The following PDE4D variants were observed in gnomAD, a reference collection of about 807,000 sequenced individuals.
PDE4D encodes the protein phosphodiesterase 4D, also known as 3',5'-cyclic-AMP phosphodiesterase 4D.
Under a neutral mutation model 87.4 loss-of-function variants are expected in PDE4D, and 24 were observed. The observed-to-expected ratio is 0.27, with a 90% CI of 0.20 to 0.39. PDE4D has a LOEUF of 0.39. PDE4D is among the 10% of genes least tolerant of loss of function. PDE4D has a pLI of 1.00. For missense variants in PDE4D, 714 were observed against 1,041.0 expected, an observed-to-expected ratio of 0.69 and a Z score of 4.32; for synonymous variants, 384 against 383.2, an observed-to-expected ratio of 1.00 and a Z score of -0.02.
intron 1 of PDE4D, among the ~76,000 whole-genome samples, chr5:59,227,823 C>T (rs1354115040): frequency 6.6e-6 from 1 of 152,140 alleles, no homozygotes; most frequent in Non-Finnish European, 1.5e-5. Flanking sequence ...ATAGTTCAAC[C>T]ATTGTGGAAA....
intron 2 of PDE4D, among the ~76,000 whole-genome samples, chr5:60,053,695 T>C (rs1405188149): frequency 6.6e-6 from 1 of 152,076 alleles, no homozygotes; most frequent in Non-Finnish European, 1.5e-5. Context: ...ACAAATGGAA[T>C]CTAATCAAAG....
chr5:59,503,368 C>A (rs1808668477), intron 1 of PDE4D, among the ~76,000 whole-genome samples: 1 of 152,188 alleles, frequency 6.6e-6, no homozygotes, highest in Non-Finnish European at 1.5e-5. Context: ...CAGCTTTATT[C>A]AATGGAAGTG....
intron 1 of PDE4D, among the ~76,000 whole-genome samples, chr5:60,495,473 G>A (rs79481157): frequency 7.9e-5 from 12 of 152,246 alleles, no homozygotes; most frequent in Admixed American, 2.6e-4. Flanking sequence ...ACCACCATGC[G>A]TCAATGTTTG....
At chr5:60,238,902 A>C (rs1208553188) in intron 1 of PDE4D, among the ~76,000 whole-genome samples, 1 of 151,856 alleles carries the variant, frequency 6.6e-6, no homozygotes, top group African/African-American at 2.4e-5. Context: ...CTTATGCCTG[A>C]GGTTGCAATT....
intron 1 of PDE4D, among the ~76,000 whole-genome samples, chr5:59,710,074 A>G (rs551909536): frequency 1.3e-5 from 2 of 152,244 alleles, no homozygotes; most frequent in Non-Finnish European, 2.9e-5. Context: ...CATGGTGACT[A>G]TGTGCATCTG....
intron 1 of PDE4D, among the ~76,000 whole-genome samples, chr5:59,805,628 G>A (rs562566031): frequency 6.6e-6 from 1 of 152,302 alleles, no homozygotes; most frequent in African/African-American, 2.4e-5. Context: ...GGATGTTGGG[G>A]TACTGCTCTC....
At chr5:59,677,127 T>C (rs1246160851) in intron 1 of PDE4D, among the ~76,000 whole-genome samples, 1 of 151,184 alleles carries the variant, frequency 6.6e-6, no homozygotes, top group African/African-American at 2.4e-5. Context: ...AGTTGAGATC[T>C]TTTTTTTTAA....
At chr5:59,090,600 A>C (rs996928822) in intron 5 of PDE4D, among the ~76,000 whole-genome samples, 8 of 152,106 alleles carry the variant, frequency 5.3e-5, no homozygotes, top group African/African-American at 1.9e-4. Context: ...GAACAACCAT[A>C]AGGAAAACAA....
At chr5:60,393,500 A>G (rs1762691698) in intron 1 of PDE4D, among the ~76,000 whole-genome samples, 1 of 152,244 alleles carries the variant, frequency 6.6e-6, no homozygotes, top group South Asian at 2.1e-4. Flanking sequence ...CCTACTACAA[A>G]TAAAAAACAC....
intron 1 of PDE4D, among the ~76,000 whole-genome samples, chr5:59,406,127 G>A (rs1791565283): frequency 1.3e-5 from 2 of 152,000 alleles, no homozygotes; most frequent in Admixed American, 1.3e-4. Context: ...TAAATGTTTG[G>A]CAAAATTAAG....
chr5:60,379,232 G>A (rs556341239), intron 1 of PDE4D, among the ~76,000 whole-genome samples: 129 of 151,736 alleles, frequency 8.5e-4, no homozygotes, highest in Admixed American at 2.9e-3. Context: ...CAAAGAAGTC[G>A]TTTTGGCTAT....
intron 5 of PDE4D, among the ~76,000 whole-genome samples, chr5:59,145,535 C>A (rs1259201588): frequency 6.6e-6 from 1 of 152,068 alleles, no homozygotes; most frequent in African/African-American, 2.4e-5. Flanking sequence ...ATTTAAAATG[C>A]AATTTTACAT....
chr5:59,338,391 G>T (rs529117823), intron 1 of PDE4D, among the ~76,000 whole-genome samples: 1 of 152,184 alleles, frequency 6.6e-6, no homozygotes, highest in Admixed American at 6.5e-5. Context: ...TGGCTTTCTT[G>T]GTGAAAATAG....
intron 2 of PDE4D, among the ~76,000 whole-genome samples, chr5:60,084,166 C>T (rs774955428): frequency 1.3e-5 from 2 of 152,110 alleles, no homozygotes; most frequent in Non-Finnish European, 2.9e-5. Context: ...AAATAAACCC[C>T]TTATCTGATT....
At chr5:59,848,850 C>A (rs1744265140) in intron 1 of PDE4D, among the ~76,000 whole-genome samples, 1 of 151,986 alleles carries the variant, frequency 6.6e-6, no homozygotes, top group African/African-American at 2.4e-5. Context: ...TGCCTTAACT[C>A]ATCAGGATAA....
intron 2 of PDE4D, among the ~76,000 whole-genome samples, chr5:60,048,331 T>C (rs1180292114): frequency 1.3e-5 from 2 of 152,246 alleles, no homozygotes; most frequent in Middle Eastern, 3.2e-3. Flanking sequence ...TTTGCCAGTC[T>C]GTGTCTTTTA....
chr5:59,572,541 C>T (rs1430723709), intron 1 of PDE4D, among the ~76,000 whole-genome samples: 1 of 152,130 alleles, frequency 6.6e-6, no homozygotes, highest in Non-Finnish European at 1.5e-5. Flanking sequence ...ACTGCAGTGG[C>T]GCTATCTGGG....
intron 1 of PDE4D, among the ~76,000 whole-genome samples, chr5:59,267,297 T>C (rs1319133388): frequency 2.0e-5 from 3 of 152,108 alleles, no homozygotes; most frequent in Admixed American, 2.0e-4. Context: ...GAAAAAACTC[T>C]GTGCCACATT....
chr5:59,213,919 T>C (rs986436131), intron 2 of PDE4D, among the ~76,000 whole-genome samples: 2 of 152,024 alleles, frequency 1.3e-5, no homozygotes, highest in African/African-American at 4.8e-5. Context: ...CTGCCCTTTG[T>C]TCCTCATCAC....
Sources: gnomAD v4.1 joint callset for allele counts (sites outside exome capture counted in the v4.1 genomes callset) on GRCh38, gnomAD v4.1.1 for gene constraint, MANE v1.5 for transcripts, NCBI Gene and HGNC (gene_info 2026-07-23, HGNC 2026-07-21) for gene names.